ZNF385D: variants seen among roughly 807,000 people sequenced by gnomAD.
The protein encoded by ZNF385D is zinc finger protein 659.
ZNF385D carries 15 observed loss-of-function variants against 35.8 expected under a neutral mutation model. The observed-to-expected ratio is 0.42, with a 90% CI of 0.28 to 0.64. ZNF385D has a LOEUF of 0.64. Ranked by LOEUF, ZNF385D falls within the 30% of genes least tolerant of loss-of-function variation. The pLI is 0.23. For synonymous variants in ZNF385D, 212 were observed against 186.8 expected, an observed-to-expected ratio of 1.13 and a Z score of -1.10; for missense variants, 474 against 494.6, an observed-to-expected ratio of 0.96 and a Z score of 0.39.
intron 3 of ZNF385D, among the ~76,000 whole-genome samples, chr3:22,140,750 T>C (rs1704455823): frequency 2.0e-5 from 3 of 152,198 alleles, no homozygotes; most frequent in Admixed American, 1.3e-4. Context: ...ATAACATACA[T>C]TTTGTGGGAA....
At chr3:22,073,475 G>A (rs1559348148) in intron 3 of ZNF385D, among the ~76,000 whole-genome samples, 1 of 151,790 alleles carries the variant, frequency 6.6e-6, no homozygotes, top group Admixed American at 6.6e-5. Context: ...AATCTTTCCT[G>A]AAATTTAATA....
intron 2 of ZNF385D, among the ~76,000 whole-genome samples, chr3:22,209,506 T>C (rs1436211004): frequency 6.6e-6 from 1 of 151,872 alleles, no homozygotes. Context: ...AGTGTATTTA[T>C]ATACTAAATA....
Position 21,698,731 on chromosome 3 carries a change from A to T in ZNF385D, c.23-33703T>A, listed in dbSNP as rs977697053. Among the ~76,000 whole-genome samples, 30 of 68,670 alleles carry T rather than the reference A, an allele frequency of 4.4e-4. 1 individual carries two copies. Among genetic ancestry groups the T allele is most frequent in the African/African-American group, 1.8e-3 (26 of 14,688 alleles). The allele number at this position is 68,670 out of a possible 152,430, so 45.1% of individuals were successfully genotyped here. Reference sequence around the variant, plus strand: ...AGACATTTATGCAGCCAACAAACATAAAAAAAAAAAGTTTATTGTCACTGG... The same window carrying T: ...AGACATTTATGCAGCCAACAAACATTAAAAAAAAAAGTTTATTGTCACTGG... On this transcript the variant is annotated intron_variant, in intron 1 of 7. Coordinates refer to ENST00000281523, the MANE Select transcript of ZNF385D (RefSeq NM_024697.3).
intron 4 of ZNF385D, among the ~76,000 whole-genome samples, chr3:21,454,351 G>A (rs907291424): frequency 6.6e-6 from 1 of 152,094 alleles, no homozygotes; most frequent in Non-Finnish European, 1.5e-5. Context: ...TTTATATTAT[G>A]TGCATTTTAT....
chr3:21,436,608 G>A (rs766713047), intron 5 of ZNF385D, among the ~76,000 whole-genome samples: 55 of 152,012 alleles, frequency 3.6e-4, no homozygotes, highest in Non-Finnish European at 7.1e-4. Context: ...CACATTTTGC[G>A]ACAATATTAT....
chr3:22,029,580 CCTT>C (rs985035726), intron 3 of ZNF385D, among the ~76,000 whole-genome samples: 4 of 152,170 alleles, frequency 2.6e-5, no homozygotes, highest in African/African-American at 9.7e-5. Context: ...ATGAGTATTT[CCTT>C]CTTCTTTTGT....
At chr3:21,883,460 C>T (rs558203379) in intron 3 of ZNF385D, among the ~76,000 whole-genome samples, 1 of 151,952 alleles carries the variant, frequency 6.6e-6, no homozygotes, top group African/African-American at 2.4e-5. Flanking sequence ...TAAGATTTTG[C>T]CTGATCATGA....
chr3:21,955,754 T>A (rs1263615853), intron 3 of ZNF385D, among the ~76,000 whole-genome samples: 6 of 152,188 alleles, frequency 3.9e-5, no homozygotes, highest in Non-Finnish European at 5.9e-5. Flanking sequence ...AGGGTTAGCT[T>A]CATCATTTAT....
chr3:21,729,523 A>T (rs2068902913), intron 1 of ZNF385D, among the ~76,000 whole-genome samples: 1 of 152,098 alleles, frequency 6.6e-6, no homozygotes, highest in Admixed American at 6.5e-5. Flanking sequence ...ACTCCACTAG[A>T]ATTGAGGTTT....
At chr3:22,150,027 A>G (rs1705117950) in intron 3 of ZNF385D, among the ~76,000 whole-genome samples, 1 of 152,218 alleles carries the variant, frequency 6.6e-6, no homozygotes, top group East Asian at 1.9e-4. Context: ...GAAATAATGA[A>G]TTAAAATTCA....
At chr3:21,908,168 AT>A (rs1699793193) in intron 3 of ZNF385D, among the ~76,000 whole-genome samples, 4 of 150,732 alleles carry the variant, frequency 2.7e-5, no homozygotes, top group African/African-American at 9.8e-5. Flanking sequence ...CTATCTATCT[AT>A]CTATATATGT....
chr3:21,861,897 T>A (rs1193409557), intron 3 of ZNF385D, among the ~76,000 whole-genome samples: 1 of 152,042 alleles, frequency 6.6e-6, no homozygotes, highest in Non-Finnish European at 1.5e-5. Context: ...GACATGAAGG[T>A]CTAGTTCTAG....
At chr3:21,994,905 T>C (rs1695367719) in intron 3 of ZNF385D, among the ~76,000 whole-genome samples, 1 of 152,230 alleles carries the variant, frequency 6.6e-6, no homozygotes, top group South Asian at 2.1e-4. Context: ...TTAGATCAGC[T>C]GGTCATTGGG....
intron 3 of ZNF385D, among the ~76,000 whole-genome samples, chr3:21,935,751 C>CACAT (rs397742135): frequency 2.0e-5 from 3 of 151,300 alleles, no homozygotes; most frequent in Non-Finnish European, 4.4e-5. Context: ...AGATACAACA[C>CACAT]TGGACTTGAA....
intron 1 of ZNF385D, among the ~76,000 whole-genome samples, chr3:21,740,949 A>T (rs894999845): frequency 6.6e-6 from 1 of 152,168 alleles, no homozygotes; most frequent in African/African-American, 2.4e-5. Context: ...TATCATTTCA[A>T]AGTTCCCCAG....
At chr3:22,288,022 C>T (rs893956013) in intron 2 of ZNF385D, among the ~76,000 whole-genome samples, 1 of 152,010 alleles carries the variant, frequency 6.6e-6, no homozygotes, top group African/African-American at 2.4e-5. Context: ...AATTGCCTGG[C>T]ATATTAATCT....
At chr3:21,849,612 T>TC (rs1414281046) in intron 3 of ZNF385D, 15 of 136,936 alleles carry the variant, frequency 1.1e-4, no homozygotes, top group African/African-American at 3.5e-4. Context: ...TTTCTTTTTT[T>TC]TTTTTTTTTT....
At chr3:21,638,699 A>G (rs184137862) in intron 2 of ZNF385D, among the ~76,000 whole-genome samples, 8 of 152,260 alleles carry the variant, frequency 5.3e-5, no homozygotes, top group Admixed American at 1.3e-4. Context: ...TGTTTCTGGC[A>G]TATCTCAATC....
At chr3:22,253,590 C>T (rs141855984) in intron 2 of ZNF385D, among the ~76,000 whole-genome samples, 48 of 151,966 alleles carry the variant, frequency 3.2e-4, no homozygotes, top group African/African-American at 1.1e-3. Context: ...ATAGGACTCA[C>T]CAATGACAAG....
Sources: allele counts gnomAD v4.1 joint callset (sites outside exome capture counted in the v4.1 genomes callset), GRCh38; gene constraint gnomAD v4.1.1; transcripts MANE v1.5; gene names NCBI Gene and HGNC (gene_info 2026-07-23, HGNC 2026-07-21).